Variants in RFX1 observed in about 807,000 individuals in gnomAD.
RFX1 encodes MHC class II regulatory factor RFX1.
A neutral mutation model predicts 119.6 loss-of-function variants in RFX1; 42 were observed. The observed-to-expected ratio is 0.35, with a 90% CI of 0.27 to 0.45. RFX1 has a LOEUF of 0.45. Among genes scored for constraint, RFX1 ranks in the 20% least tolerant of loss-of-function variants. RFX1 has a pLI of 1.00. For synonymous variants in RFX1, 628 were observed against 618.5 expected (o/e 1.02, Z -0.23); for missense variants, 1,118 against 1,368.1 (o/e 0.82, Z 2.88).
chr19:13,980,460 G>T lies in RFX1; in HGVS notation c.738+113C>A. The stretch of plus-strand genomic sequence containing the variant: ...TCAAAGGCCAGGGTGGCAGGCTGGG[G>T]CTGGACCCACATGGGCTGGGCTCTA... On this transcript the variant is annotated intron_variant, in intron 6 of 20. Transcript: ENST00000254325. The surrounding 1 kb of genome is among the most constrained non-coding windows in gnomAD (Gnocchi z 5.1). 1 of 640,782 alleles carries T rather than the reference G, an allele frequency of 1.6e-6. No individual in the cohort carries two copies. Among genetic ancestry groups the T allele is most frequent in the Admixed American group, 2.8e-5 (1 of 35,648 alleles). The allele number at this position is 640,782 out of a possible 1,614,324, so 39.7% of individuals were successfully genotyped here.
At chr19:14,002,448 G>A (rs916656765) in intron 1 of RFX1, among the ~76,000 whole-genome samples, 43 of 152,014 alleles carry the variant, frequency 2.8e-4, no homozygotes, top group Non-Finnish European at 5.1e-4. Flanking sequence ...TCACGCCACT[G>A]CACTCCATCC....
intron 1 of RFX1, among the ~76,000 whole-genome samples, chr19:13,997,316 A>G (rs1282763615): frequency 3.3e-5 from 5 of 152,180 alleles, no homozygotes; most frequent in Non-Finnish European, 5.9e-5. Context: ...ACGGGGATGG[A>G]TGCACCACGA....
chr19:13,962,915 G>A (rs1048363489), intron 20 of RFX1, 51 bp from the exon 21 acceptor site: 3 of 1,543,408 alleles, frequency 1.9e-6, no homozygotes, highest in Non-Finnish European at 1.8e-6. Flanking sequence ...AACGCCCCCG[G>A]GCTCCTCCTC....
intron 9 of RFX1, among the ~76,000 whole-genome samples, chr19:13,970,850 G>T (rs956164592): frequency 2.0e-5 from 3 of 151,570 alleles, no homozygotes; most frequent in Admixed American, 2.0e-4. Context: ...TGGGAGTGGC[G>T]GTGTGCGCCT....
At chr19:13,983,314 G>A in intron 3 of RFX1, 44 bp from the exon 4 acceptor site, 1 of 1,492,350 alleles carries the variant, frequency 6.7e-7, no homozygotes, top group Non-Finnish European at 9.0e-7. Flanking sequence ...ACTTCCCCCA[G>A]GGAGGCCTGG....
upstream of RFX1, chr19:14,006,483 T>G (rs191187192): frequency 2.6e-5 from 4 of 152,214 alleles, no homozygotes; most frequent in East Asian, 7.7e-4. Context: ...GATTTATCAG[T>G]ATGAATGTCC....
upstream of RFX1, chr19:14,006,693 C>T (rs1975392527): frequency 6.6e-6 from 1 of 152,260 alleles, no homozygotes; most frequent in South Asian, 2.1e-4. Context: ...GCATGCTCGG[C>T]ACGCAAGGCC....
At chr19:13,978,671 G>A (rs1314573254) in intron 7 of RFX1, among the ~76,000 whole-genome samples, 2 of 152,108 alleles carry the variant, frequency 1.3e-5, no homozygotes, top group African/African-American at 4.8e-5. Flanking sequence ...CAGGGCTTGC[G>A]GGGCCTGGTG....
rs947374354 is a variant in RFX1 at position 13,986,610 on chromosome 19, T to C, written c.320-3015A>G. 6.6e-6 allele frequency among the ~76,000 whole-genome samples: 1 copy of C among 152,126 alleles called. No homozygotes were observed. Among genetic ancestry groups the C allele is most frequent in the Non-Finnish European group, 1.5e-5 (1 of 67,990 alleles). ...GTCTGCGAGCGAGCGTCTGCATCTA[T>C]CTGCCGGAGATCGCCACTCTGGGCA... On this transcript the variant is annotated intron_variant, in intron 2 of 20. Coordinates refer to ENST00000254325, the MANE Select transcript of RFX1 (RefSeq NM_002918.5). The surrounding 1 kb of genome is among the most constrained non-coding windows in gnomAD (Gnocchi z 4.2).
intron 9 of RFX1, among the ~76,000 whole-genome samples, chr19:13,972,319 G>C (rs1172091088): frequency 1.3e-5 from 2 of 151,592 alleles, no homozygotes; most frequent in African/African-American, 4.9e-5. Flanking sequence ...TCACCCTCCT[G>C]AGTAGCTGGG....
At chr19:13,987,173 CTCGGTTTCACCT>C (rs1350200475) in intron 2 of RFX1, among the ~76,000 whole-genome samples, 1 of 152,220 alleles carries the variant, frequency 6.6e-6, no homozygotes, top group Non-Finnish European at 1.5e-5. Flanking sequence ...TGCAGGCCGG[CTCGGTTTCACCT>C]TCCCAGGAGT....
Position 13,966,877 on chromosome 19 carries a change from G to A in RFX1, c.1733-126C>T. ...TGTGCCGGTGAGACAACGCTAGGTG[G>A]GGTGAGCGCCTGGCCCGGGCCCAGG... On this transcript the variant is annotated intron_variant, in intron 12 of 20. Coordinates refer to ENST00000254325, the MANE Select transcript of RFX1 (RefSeq NM_002918.5). This position sits in a 1 kb window ranked among gnomAD's most constrained non-coding sequence, Gnocchi z 6.3. 7.9e-6 allele frequency: 5 copies of A among 634,840 alleles called. No homozygotes were observed. Among genetic ancestry groups the A allele is most frequent in the South Asian group, 4.0e-5 (2 of 50,222 alleles). The allele number at this position is 634,840 out of a possible 1,614,324, so 39.3% of individuals were successfully genotyped here. A position where few individuals can be genotyped will look rare whatever the true frequency, so the allele number is the denominator to read the frequency against.
intron 16 of RFX1, among the ~76,000 whole-genome samples, chr19:13,964,503 G>C (rs1472617104): frequency 6.6e-6 from 1 of 151,204 alleles, no homozygotes; most frequent in Non-Finnish European, 1.5e-5. Context: ...TTTTTTGTTT[G>C]ACACTGAATC....
rs146473524 is a variant in RFX1 at position 13,982,154 on chromosome 19, G to T, written c.588C>A (p.Val196=). The T allele has an allele frequency of 1.7e-5, 22 of 1,311,378 alleles. No homozygotes were observed. Among genetic ancestry groups the T allele is most frequent in the Non-Finnish European group, 2.2e-5 (22 of 1,021,532 alleles). The allele number at this position is 1,311,378 out of a possible 1,614,324, so 81.2% of individuals were successfully genotyped here. ...GCGAGTGCACCTGCTGGGTACCATGGACCGTCAGGGAGACCTGGCCACCTT... is the reference window on the plus strand; with the variant it reads ...GCGAGTGCACCTGCTGGGTACCATGTACCGTCAGGGAGACCTGGCCACCTT... ...GSKGGQVSLT[V]HGTQQVHSPP... is the part of the protein sequence containing the mutation. Residue 196 remains valine, a synonymous_variant, in exon 5 of 21, where the codon GTC becomes GTA. Coordinates refer to ENST00000254325, the MANE Select transcript of RFX1 (RefSeq NM_002918.5).
At chr19:13,964,573 G>C (rs1368693532) in intron 16 of RFX1, among the ~76,000 whole-genome samples, 1 of 152,014 alleles carries the variant, frequency 6.6e-6, no homozygotes, top group Non-Finnish European at 1.5e-5. Flanking sequence ...CCTCCGCCTC[G>C]TGGGTTCAAG....
At chr19:14,004,398 C>T (rs1276244940) in intron 1 of RFX1, among the ~76,000 whole-genome samples, 3 of 152,168 alleles carry the variant, frequency 2.0e-5, no homozygotes, top group Admixed American at 6.5e-5. Flanking sequence ...GTCCCAGCGA[C>T]TCAGGAGACT....
At chr19:13,999,512 T>C (rs1975142359) in intron 1 of RFX1, among the ~76,000 whole-genome samples, 1 of 152,224 alleles carries the variant, frequency 6.6e-6, no homozygotes, top group South Asian at 2.1e-4. Flanking sequence ...AATAAAACTT[T>C]ATTTCTAGAC....
intron 1 of RFX1, among the ~76,000 whole-genome samples, chr19:13,999,679 T>C (rs1316749184): frequency 6.6e-6 from 1 of 152,082 alleles, no homozygotes; most frequent in Non-Finnish European, 1.5e-5. Context: ...TTTTTTTTGT[T>C]TTTTTTTGTT....
At position 13,998,513 on chromosome 19, in the gene RFX1, G is replaced by A. The variant is rs903773714; in HGVS notation, c.-52-4618C>T. On this transcript the variant is annotated intron_variant, in intron 1 of 20. Coordinates refer to ENST00000254325, the MANE Select transcript of RFX1 (RefSeq NM_002918.5). ...TCTCAAGAAAAAAAAAAAATCCAAT[G>A]AGATCAGCTCAGCACCCAATAAACA... Among the ~76,000 whole-genome samples the A allele has an allele frequency of 4.6e-5, 7 of 152,026 alleles. 1 individual carries two copies. The highest frequency in any genetic ancestry group is 1.7e-4 in the African/African-American group (7 of 41,452).
Sources: gnomAD v4.1 joint callset for allele counts (sites outside exome capture counted in the v4.1 genomes callset) on GRCh38, gnomAD v4.1.1 for gene constraint, Gnocchi (gnomAD v3.1) non-coding constraint, MANE v1.5 for transcripts, NCBI Gene and HGNC (gene_info 2026-07-23, HGNC 2026-07-21) for gene names.